Variants in DST observed in about 807,000 individuals in gnomAD.
DST encodes dystonin.
Under a neutral mutation model 875.2 loss-of-function variants are expected in DST, and 253 were observed. That is an observed-to-expected ratio of 0.29 (90% CI 0.26 to 0.32). The LOEUF (loss-of-function observed/expected upper bound fraction) is 0.32, where lower values mean the gene tolerates loss of function less well. DST is among the 10% of genes least tolerant of loss of function. The pLI is 1.00. For synonymous variants in DST, 3,124 were observed against 3,197.1 expected (o/e 0.98, Z 0.77); for missense variants, 8,287 against 9,111.6 (o/e 0.91, Z 3.68).
intron 4 of DST, among the ~76,000 whole-genome samples, chr6:56,834,617 C>T (rs1490053550): frequency 3.3e-5 from 5 of 151,766 alleles, no homozygotes; most frequent in African/African-American, 9.7e-5. Flanking sequence ...AAGATATTTA[C>T]ATGATATGTC....
Position 56,458,382 on chromosome 6 carries a change from C to G in DST, c.*623G>C, listed in dbSNP as rs2094168421. On this transcript the variant is annotated 3_prime_UTR_variant, in exon 104 of 104. Transcript: ENST00000680361. The stretch of plus-strand genomic sequence containing the variant: ...TATGAACGCACTTTATACTTATATT[C>G]TTACAGTATAATAGGTCTAATATCC... 6.6e-6 allele frequency: 1 copy of G among 152,304 alleles called. No individual in the cohort carries two copies. The highest frequency in any genetic ancestry group is 6.5e-5 in the Admixed American group (1 of 15,286). 9.4% of individuals were successfully genotyped at this position (152,304 alleles called of 1,614,324 possible). A position where few individuals can be genotyped will look rare whatever the true frequency, so the allele number is the denominator to read the frequency against.
chr6:56,779,735 A>G (rs557874102), intron 4 of DST, among the ~76,000 whole-genome samples: 23 of 148,678 alleles, frequency 1.5e-4, no homozygotes, highest in African/African-American at 5.7e-4. Flanking sequence ...TTTTTTTTTT[A>G]ATATTATACT....
At chr6:56,656,033 A>G (rs1368146486) in intron 10 of DST, among the ~76,000 whole-genome samples, 3 of 152,264 alleles carry the variant, frequency 2.0e-5, no homozygotes, top group Admixed American at 6.5e-5. Flanking sequence ...AGCTATGGGG[A>G]CTGGGACATA....
chr6:56,642,681 A>G lies in DST; in HGVS notation c.1779-178T>C, dbSNP rs766639572. 58 of 1,614,070 alleles carry G rather than the reference A, an allele frequency of 3.6e-5. No homozygotes were observed. Among genetic ancestry groups the G allele is most frequent in the Non-Finnish European group, 4.5e-5 (53 of 1,180,024 alleles). On this transcript the variant is annotated intron_variant, in intron 15 of 103. Transcript: ENST00000680361. The stretch of plus-strand genomic sequence containing the variant: ...TGCAAGAGTTGATCAGTGTTGGACC[A>G]CAATGAACCAAGAGAAGATTTTCAT...
chr6:56,559,090 G>A (rs2097487781), intron 58 of DST, among the ~76,000 whole-genome samples: 1 of 152,116 alleles, frequency 6.6e-6, no homozygotes, highest in South Asian at 2.1e-4. Flanking sequence ...CTAAAGGGAT[G>A]ACTTTAATAG....
At chr6:56,510,129 T>C (rs1253542860) in intron 73 of DST, among the ~76,000 whole-genome samples, 1 of 152,142 alleles carries the variant, frequency 6.6e-6, no homozygotes, top group East Asian at 1.9e-4. Context: ...AGTGTATCCA[T>C]TAAGAAATGG....
chr6:56,666,269 GATTA>G (rs2099071706), intron 10 of DST, among the ~76,000 whole-genome samples: 1 of 152,134 alleles, frequency 6.6e-6, no homozygotes, highest in Admixed American at 6.5e-5. Context: ...TAATATATTT[GATTA>G]ATAACTTATA....
intron 4 of DST, among the ~76,000 whole-genome samples, chr6:56,818,091 T>C (rs538211744): frequency 1.3e-5 from 2 of 152,306 alleles, no homozygotes; most frequent in Admixed American, 1.3e-4. Flanking sequence ...TCCCCAACAA[T>C]GTCCAGAAGG....
chr6:56,617,495 T>C, intron 36 of DST: 2 of 1,306,970 alleles, frequency 1.5e-6, no homozygotes, highest in Non-Finnish European at 2.2e-6. Context: ...AATCCAAACA[T>C]AATTCTTTGA....
At chr6:56,873,147 G>C (rs1778139329) in intron 3 of DST, among the ~76,000 whole-genome samples, 1 of 152,064 alleles carries the variant, frequency 6.6e-6, no homozygotes, top group Non-Finnish European at 1.5e-5. Flanking sequence ...GTCTTCTTTA[G>C]GGAAATATCT....
At chr6:56,539,642 G>A (rs746636043) in intron 61 of DST, among the ~76,000 whole-genome samples, 1 of 152,160 alleles carries the variant, frequency 6.6e-6, no homozygotes, top group Non-Finnish European at 1.5e-5. Context: ...TTCAATCTGA[G>A]TGGGAAGAAA....
intron 30 of DST, 109 bp from the exon 31 acceptor site, chr6:56,630,492 G>T: frequency 1.0e-6 from 1 of 961,906 alleles, no homozygotes; most frequent in Non-Finnish European, 1.6e-6. Flanking sequence ...CTTCACCTTG[G>T]AACACTGATA....
At chr6:56,792,265 A>G (rs2099727045) in intron 4 of DST, among the ~76,000 whole-genome samples, 1 of 152,196 alleles carries the variant, frequency 6.6e-6, no homozygotes, top group Non-Finnish European at 1.5e-5. Context: ...CAGCTAATAA[A>G]CAAGAAATGA....
chr6:56,463,522 T>C (rs769578168), intron 101 of DST, 43 bp downstream of exon 101: 8 of 1,489,640 alleles, frequency 5.4e-6, no homozygotes, highest in Middle Eastern at 1.9e-4. Context: ...ACTTGGGACA[T>C]TGATTGCAAA....
intron 4 of DST, among the ~76,000 whole-genome samples, chr6:56,846,783 T>G (rs2099807598): frequency 6.6e-6 from 1 of 151,842 alleles, no homozygotes; most frequent in Admixed American, 6.6e-5. Context: ...GTGGGCAGAT[T>G]GCTTGAGCCC....
chr6:56,496,604 A>G (rs1386086494), intron 82 of DST, among the ~76,000 whole-genome samples: 1 of 152,120 alleles, frequency 6.6e-6, no homozygotes, highest in Non-Finnish European at 1.5e-5. Flanking sequence ...ACTTCAAGGC[A>G]CAATAATTTA....
chr6:56,459,804 T>C (rs2094231820), intron 103 of DST, among the ~76,000 whole-genome samples: 1 of 152,220 alleles, frequency 6.6e-6, no homozygotes, highest in Non-Finnish European at 1.5e-5. Context: ...TCAGTGTGGC[T>C]GGGTTCTTCC....
intron 100 of DST, chr6:56,464,462 G>A (rs1274901340): frequency 2.2e-5 from 12 of 555,968 alleles, no homozygotes; most frequent in Non-Finnish European, 3.5e-5. Flanking sequence ...GGTGAGCAAC[G>A]TGTTAGCATG....
chr6:56,619,621 T>G, intron 36 of DST: 1 of 1,613,972 alleles, frequency 6.2e-7, no homozygotes, highest in Non-Finnish European at 8.5e-7. Flanking sequence ...ATTCTAATTC[T>G]AACTGATAAT....
Sources: gnomAD v4.1 joint callset for allele counts (sites outside exome capture counted in the v4.1 genomes callset) on GRCh38, gnomAD v4.1.1 for gene constraint, MANE v1.5 for transcripts, NCBI Gene and HGNC (gene_info 2026-07-23, HGNC 2026-07-21) for gene names.